YBEY: variants seen among roughly 807,000 people sequenced by gnomAD.
YBEY encodes ybeY metalloendoribonuclease.
A neutral mutation model predicts 13.5 loss-of-function variants in YBEY; 15 were observed. That is an observed-to-expected ratio of 1.11 (90% CI 0.75 to 1.72). The LOEUF is 1.72. Among genes scored for constraint, YBEY ranks in the 40% most tolerant of loss-of-function variants. YBEY has a pLI of 0.00. For synonymous variants in YBEY, 101 were observed against 83.1 expected (o/e 1.21, Z -1.17); for missense variants, 244 against 208.4 (o/e 1.17, Z -1.05).
At chr21:46,307,411 T>G in the YBEY span, among the ~76,000 whole-genome samples, 3 of 152,076 alleles carry the variant, frequency 2.0e-5, no homozygotes, top group Non-Finnish European at 4.4e-5. Context: ...GTATGCTTTT[T>G]AGAACCTATG....
At chr21:46,309,856 C>T in the YBEY span, among the ~76,000 whole-genome samples, 71 of 151,910 alleles carry the variant, frequency 4.7e-4, no homozygotes, top group African/African-American at 1.3e-3. Flanking sequence ...ATTAGCAGGG[C>T]GTGGTGGCGG....
the YBEY span, among the ~76,000 whole-genome samples, chr21:46,307,570 G>A: frequency 6.6e-6 from 1 of 152,202 alleles, no homozygotes. Flanking sequence ...GATGGCACAA[G>A]CTATGCTCTC....
At chr21:46,301,212 G>T, downstream of YBEY, 1 of 400,078 alleles carries the variant, frequency 2.5e-6, no homozygotes, top group Non-Finnish European at 3.4e-6. Flanking sequence ...TTCCATCAGA[G>T]CTCACTGCAG....
In YBEY at chr21:46,291,321, C is replaced by T. The variant is rs761129273; in HGVS notation, c.211-13C>T. On this transcript the variant is annotated splice_polypyrimidine_tract_variant and intron_variant, in intron 2 of 4. Transcript: ENST00000397701. ...TTTCCTGTTCTCTAAGTCTACATTTCCTCATTTTTTAGCATCTGAAAGCAG... is the reference window on the plus strand; with the variant it reads ...TTTCCTGTTCTCTAAGTCTACATTTTCTCATTTTTTAGCATCTGAAAGCAG... 13 of 1,613,724 alleles carry T rather than the reference C, an allele frequency of 8.1e-6. No individual in the cohort carries two copies. Among genetic ancestry groups the T allele is most frequent in the Non-Finnish European group, 1.1e-5 (13 of 1,179,834 alleles).
the YBEY span, among the ~76,000 whole-genome samples, chr21:46,308,045 G>A: frequency 6.6e-6 from 1 of 151,962 alleles, no homozygotes; most frequent in Non-Finnish European, 1.5e-5. Flanking sequence ...CCAGGCTGGA[G>A]TACAAAGGCA....
downstream of YBEY, chr21:46,301,014 T>C (rs2082088394): frequency 1.0e-6 from 1 of 952,540 alleles, no homozygotes; most frequent in Non-Finnish European, 1.3e-6. Context: ...CACTCACCTT[T>C]GCTTTACAGG....
chr21:46,287,515 TAATTA>T (rs1279757429), intron 2 of YBEY, among the ~76,000 whole-genome samples: 1 of 152,162 alleles, frequency 6.6e-6, no homozygotes, highest in Non-Finnish European at 1.5e-5. Flanking sequence ...TTTCATGTAT[TAATTA>T]TATTATAGGC....
intron 2 of YBEY, among the ~76,000 whole-genome samples, chr21:46,289,742 C>T (rs1330539950): frequency 2.0e-5 from 3 of 152,164 alleles, no homozygotes; most frequent in Non-Finnish European, 4.4e-5. Context: ...GCGTGAGCCA[C>T]TGAGCCCCGC....
chr21:46,291,590 T>C, intron 3 of YBEY, 128 bp downstream of exon 3: 2 of 1,499,470 alleles, frequency 1.3e-6, no homozygotes, highest in Non-Finnish European at 8.9e-7. Flanking sequence ...GAAGAACCTG[T>C]AAGCAGGGTG....
chr21:46,295,608 G>A (rs926139725), intron 3 of YBEY, among the ~76,000 whole-genome samples: 66 of 151,966 alleles, frequency 4.3e-4, no homozygotes, highest in Non-Finnish European at 3.2e-4. Flanking sequence ...TGACTCACCA[G>A]CAGCTGCACC....
chr21:46,292,624 A>G (rs1455224107), intron 3 of YBEY, among the ~76,000 whole-genome samples: 6 of 105,228 alleles, frequency 5.7e-5, no homozygotes, highest in African/African-American at 1.1e-4. Context: ...CAGTGGGGAC[A>G]GCCACGCAAG....
At chr21:46,302,097 C>T (rs573661596), downstream of YBEY, 26 of 1,493,956 alleles carry the variant, frequency 1.7e-5, no homozygotes, top group South Asian at 5.0e-5. Flanking sequence ...TGGTGGTGCA[C>T]GGCAGGCAGC....
chr21:46,300,614 T>A, downstream of YBEY: 4 of 1,196,232 alleles, frequency 3.3e-6, no homozygotes, highest in Non-Finnish European at 4.2e-6. Context: ...GTAGCTGCGC[T>A]GGGCCCTTCG....
At chr21:46,295,044 C>A (rs566168496) in intron 3 of YBEY, among the ~76,000 whole-genome samples, 39 of 152,178 alleles carry the variant, frequency 2.6e-4, no homozygotes, top group Non-Finnish European at 4.7e-4. Context: ...CAGGAAGTGG[C>A]CCAGCCGGAG....
At chr21:46,303,300 C>T in the YBEY span, among the ~76,000 whole-genome samples, 1 of 152,076 alleles carries the variant, frequency 6.6e-6, no homozygotes, top group African/African-American at 2.4e-5. Context: ...GATCATGCCC[C>T]TGCACTCTAG....
the YBEY span, among the ~76,000 whole-genome samples, chr21:46,310,070 G>A: frequency 6.6e-6 from 1 of 152,166 alleles, no homozygotes; most frequent in Non-Finnish European, 1.5e-5. Flanking sequence ...CTGCTCAGCA[G>A]TTGCATGGGG....
chr21:46,287,031 ATC>A lies in YBEY; in HGVS notation c.120_121del (p.Ile40MetfsTer3). On this transcript the variant is annotated frameshift_variant, in exon 2 of 5. Coordinates refer to ENST00000397701, the MANE Select transcript of YBEY (RefSeq NM_001314025.2). LOFTEE classifies it high-confidence loss of function. ...LGVQKFDLGI[I>X]CVDNKNIQHI... ...AGTGCAGAAATTTGACCTGGGGATC[ATC>A]TGTGTTGACAACAAGAATATTCAGC... is the stretch of plus-strand genomic sequence containing the variant. The A allele has an allele frequency of 6.2e-7, 1 of 1,614,094 alleles. No individual in the cohort carries two copies. Among genetic ancestry groups the A allele is most frequent in the South Asian group, 1.1e-5 (1 of 91,084 alleles).
chr21:46,301,634 G>A (rs976160702), downstream of YBEY: 14 of 1,067,156 alleles, frequency 1.3e-5, no homozygotes, highest in African/African-American at 2.2e-4. Flanking sequence ...ATTTCATCAG[G>A]CTGGTGGCGT....
At chr21:46,288,661 G>C (rs1340462949) in intron 2 of YBEY, among the ~76,000 whole-genome samples, 1 of 148,512 alleles carries the variant, frequency 6.7e-6, no homozygotes, top group African/African-American at 2.5e-5. Flanking sequence ...CCTGGCGACA[G>C]AGCGAGACTC....
Sources: gnomAD v4.1 joint callset for allele counts (sites outside exome capture counted in the v4.1 genomes callset) on GRCh38, gnomAD v4.1.1 for gene constraint, MANE v1.5 for transcripts, NCBI Gene and HGNC (gene_info 2026-07-23, HGNC 2026-07-21) for gene names.